ACAD10: variants seen among roughly 807,000 people sequenced by gnomAD.
ACAD10 encodes the protein acyl-CoA dehydrogenase family member 10.
In ACAD10, 112 loss-of-function variants were observed where a neutral mutation model predicts 116.8. That is an observed-to-expected ratio of 0.96 (90% CI 0.82 to 1.12). The LOEUF is 1.12. Among genes scored for constraint, ACAD10 ranks in the 50% most tolerant of loss-of-function variants. The pLI is 0.00. For missense variants in ACAD10, 1,259 were observed against 1,350.2 expected (o/e 0.93, Z 1.06); for synonymous variants, 486 against 510.6 (o/e 0.95, Z 0.65).
intron 6 of ACAD10, 132 bp downstream of exon 6, chr12:111,712,789 C>G (rs925770229): frequency 2.0e-6 from 2 of 1,019,976 alleles, no homozygotes; most frequent in South Asian, 1.6e-5. Context: ...GCCATTGGGC[C>G]TGGTGCATCG....
rs1025182228 is a variant in ACAD10, at chr12:111,729,701, C to T, written c.1244-105C>T. On this transcript the variant is annotated intron_variant, in intron 9 of 20. Coordinates refer to ENST00000313698, the MANE Select transcript of ACAD10 (RefSeq NM_025247.6). ...GAACGTGTTCAAAGACACTGCACCA[C>T]CCAGTGCAGAGCATGACAAAGGGTT... is the stretch of plus-strand genomic sequence containing the variant. 6.7e-6 allele frequency: 9 copies of T among 1,342,038 alleles called. No individual in the cohort carries two copies. In the African/African-American group the frequency reaches 1.3e-4, roughly 19 times the overall value. 83.1% of individuals were successfully genotyped at this position (1,342,038 alleles called of 1,614,324 possible).
At chr12:111,728,679 G>A (rs1362847751) in intron 9 of ACAD10, among the ~76,000 whole-genome samples, 1 of 151,942 alleles carries the variant, frequency 6.6e-6, no homozygotes, top group African/African-American at 2.4e-5. Flanking sequence ...AGTTTCAACA[G>A]GGATAGTTTT....
rs571926879 is a variant in ACAD10, at chr12:111,753,706, G to C, written c.2818-66G>C. 9.9e-6 allele frequency: 16 copies of C among 1,610,436 alleles called. No individual in the cohort carries two copies. In the South Asian group the frequency reaches 1.8e-4, roughly 18 times the overall value. On this transcript the variant is annotated intron_variant, in intron 18 of 20. Transcript: ENST00000313698. ...TTCCACCCAGCTCTGCAGGCCACCA[G>C]CCCCCGCCTCTCGTGGCCACCCCCA... is the stretch of plus-strand genomic sequence containing the variant.
intron 2 of ACAD10, among the ~76,000 whole-genome samples, chr12:111,698,284 C>A (rs1203048604): frequency 6.7e-6 from 1 of 149,368 alleles, no homozygotes; most frequent in Non-Finnish European, 1.5e-5. Flanking sequence ...AGGCACAAGC[C>A]ACTGCATCTG....
intron 20 of ACAD10, 67 bp downstream of exon 20, chr12:111,755,812 C>A: frequency 6.9e-7 from 1 of 1,457,788 alleles, no homozygotes; most frequent in Non-Finnish European, 9.6e-7. Context: ...CTCCTATCTT[C>A]AGCCGCCCAG....
chr12:111,722,540 C>A (rs997843798), intron 8 of ACAD10, among the ~76,000 whole-genome samples: 13 of 151,936 alleles, frequency 8.6e-5, no homozygotes, highest in Non-Finnish European at 1.8e-4. Flanking sequence ...CGGCCTTCCG[C>A]AGTGTTTGTG....
chr12:111,748,257 G>GT, intron 16 of ACAD10, 60 bp from the exon 17 acceptor site: 2 of 1,601,550 alleles, frequency 1.2e-6, no homozygotes, highest in Non-Finnish European at 1.7e-6. Flanking sequence ...GACCACGTGT[G>GT]TAGAGATTTG....
chr12:111,700,631 A>T (rs577040490), intron 2 of ACAD10, among the ~76,000 whole-genome samples: 1 of 151,664 alleles, frequency 6.6e-6, no homozygotes, highest in Middle Eastern at 3.4e-3. Flanking sequence ...TTTTGGATTG[A>T]GTTTTAAAAG....
At chr12:111,753,380 G>T in intron 18 of ACAD10, 1 of 413,540 alleles carries the variant, frequency 2.4e-6, no homozygotes, top group Admixed American at 2.6e-5. Flanking sequence ...CGCCTGCGCC[G>T]TGTGCAGTGC....
At chr12:111,719,056 G>A (rs1888934493) in intron 7 of ACAD10, among the ~76,000 whole-genome samples, 1 of 151,958 alleles carries the variant, frequency 6.6e-6, no homozygotes, top group Non-Finnish European at 1.5e-5. Flanking sequence ...AGTGAGCGGA[G>A]ATTGCAGTGA....
At chr12:111,735,257 G>A (rs1889514723) in intron 11 of ACAD10, among the ~76,000 whole-genome samples, 1 of 151,582 alleles carries the variant, frequency 6.6e-6, no homozygotes, top group Non-Finnish European at 1.5e-5. Context: ...AAGACATTTG[G>A]GTTAATTCCT....
At chr12:111,755,510 C>T (rs1217468596) in intron 19 of ACAD10, among the ~76,000 whole-genome samples, 158 bp from the exon 20 acceptor site, 2 of 152,246 alleles carry the variant, frequency 1.3e-5, no homozygotes, top group Non-Finnish European at 2.9e-5. Flanking sequence ...TCAAACAATC[C>T]TCTCACCTCA....
At chr12:111,709,168 G>T (rs2135955736) in intron 4 of ACAD10, among the ~76,000 whole-genome samples, 1 of 152,164 alleles carries the variant, frequency 6.6e-6, no homozygotes, top group East Asian at 1.9e-4. Flanking sequence ...ACCCACTTAA[G>T]TTTCATTTAA....
At chr12:111,736,759 T>C in intron 11 of ACAD10, 72 bp from the exon 12 acceptor site, 1 of 1,499,176 alleles carries the variant, frequency 6.7e-7, no homozygotes, top group Non-Finnish European at 9.0e-7. Context: ...ATTTTCAGAA[T>C]TTAAATATTT....
At chr12:111,756,073 G>A (rs2068081451) in intron 20 of ACAD10, 10 of 1,274,784 alleles carry the variant, frequency 7.8e-6, no homozygotes, top group Non-Finnish European at 9.4e-6. Context: ...CAGGGGGGCC[G>A]CCTCCTTAGA....
In ACAD10 at chr12:111,692,793, C is replaced by T. The variant is rs1186637678; in HGVS notation, c.84C>T (p.His28=). Residue 28 remains histidine, a synonymous_variant, in exon 2 of 21, where the codon CAC becomes CAT. Coordinates refer to ENST00000313698, the MANE Select transcript of ACAD10 (RefSeq NM_025247.6). The part of the protein sequence containing the change: ...TAFLKHTQRR[H]QGSHRWTHLG... ...TCCTGAAACACACCCAGCGCAGGCACCAGGGGTCCCACCGATGGACACACC... is the reference window on the plus strand; with the variant it reads ...TCCTGAAACACACCCAGCGCAGGCATCAGGGGTCCCACCGATGGACACACC... The T allele has an allele frequency of 6.2e-7, 1 of 1,614,190 alleles. No individual in the cohort carries two copies. Among genetic ancestry groups the T allele is most frequent in the South Asian group, 1.1e-5 (1 of 91,082 alleles).
rs144975580 is a variant in ACAD10 at position 111,744,779 on chromosome 12, C to T, written c.1851C>T (p.Ser617=). Residue 617 remains serine, a synonymous_variant, in exon 13 of 21, where the codon TCC becomes TCT. Transcript: ENST00000313698. ...EMPFTNPLTR[S]YHTWARPQSQ... is the part of the protein sequence containing the mutation. ...CCTTCACAAATCCGTTAACAAGGTC[C>T]TACCACACGTGGGCCAGGCCCCAGT... is the stretch of plus-strand genomic sequence containing the variant. The T allele has an allele frequency of 3.6e-4, 578 of 1,614,102 alleles. No homozygotes were observed. The highest frequency in any genetic ancestry group is 4.4e-4 in the Non-Finnish European group (524 of 1,180,054).
At chr12:111,719,044 G>A (rs1888933745) in intron 7 of ACAD10, among the ~76,000 whole-genome samples, 1 of 151,918 alleles carries the variant, frequency 6.6e-6, no homozygotes, top group Non-Finnish European at 1.5e-5. Flanking sequence ...GGCAGAGATT[G>A]CAGTGAGCGG....
chr12:111,756,322 G>A lies in ACAD10; in HGVS notation c.3040-11G>A, dbSNP rs1262466009. On this transcript the variant is annotated splice_polypyrimidine_tract_variant and intron_variant, in intron 20 of 20. Transcript: ENST00000313698. ...ACCCAGGGCCGCCTCCCTCCACTCTGTGTCTGCCAGGCCTTTGGAGCAGCA... is the reference window on the plus strand; with the variant it reads ...ACCCAGGGCCGCCTCCCTCCACTCTATGTCTGCCAGGCCTTTGGAGCAGCA... 1.9e-6 allele frequency: 3 copies of A among 1,588,718 alleles called. No homozygotes were observed. The highest frequency in any genetic ancestry group is 2.6e-6 in the Non-Finnish European group (3 of 1,170,394).
Sources: gnomAD v4.1 joint callset for allele counts (sites outside exome capture counted in the v4.1 genomes callset) on GRCh38, gnomAD v4.1.1 for gene constraint, MANE v1.5 for transcripts, NCBI Gene and HGNC (gene_info 2026-07-23, HGNC 2026-07-21) for gene names.